The following MACROD2 variants were observed in gnomAD, a reference collection of about 807,000 sequenced individuals.
MACROD2 encodes the protein mono-ADP ribosylhydrolase 2.
In MACROD2, 36 loss-of-function variants were observed where a neutral mutation model predicts 70.4. The ratio of observed to expected loss-of-function variants is 0.51; its 90% CI spans 0.39 to 0.68. The LOEUF (loss-of-function observed/expected upper bound fraction) is 0.68, where lower values mean the gene tolerates loss of function less well. MACROD2 is among the 30% of genes least tolerant of loss of function. The pLI is 0.00. For missense variants in MACROD2, 496 were observed against 538.4 expected (o/e 0.92, Z 0.78); for synonymous variants, 172 against 178.8 (o/e 0.96, Z 0.30).
At chr20:15,024,273 G>A (rs577814843) in intron 5 of MACROD2, among the ~76,000 whole-genome samples, 180 of 152,100 alleles carry the variant, frequency 1.2e-3, no homozygotes, top group Non-Finnish European at 2.4e-3. Flanking sequence ...ATTTCTCTTT[G>A]AGGTTACTAT....
At chr20:14,227,111 A>G (rs969182639) in intron 3 of MACROD2, among the ~76,000 whole-genome samples, 1 of 152,136 alleles carries the variant, frequency 6.6e-6, no homozygotes, top group East Asian at 1.9e-4. Flanking sequence ...GAATGCACCA[A>G]TCTATACTCT....
intron 8 of MACROD2, among the ~76,000 whole-genome samples, chr20:15,726,280 C>T (rs892607883): frequency 6.6e-6 from 1 of 152,138 alleles, no homozygotes; most frequent in Non-Finnish European, 1.5e-5. Context: ...TCTATGGCTG[C>T]ATAGTATTCC....
At chr20:15,661,391 A>T (rs1262564241) in intron 8 of MACROD2, among the ~76,000 whole-genome samples, 1 of 152,096 alleles carries the variant, frequency 6.6e-6, no homozygotes, top group Admixed American at 6.6e-5. Context: ...GTTACAGGGG[A>T]AGCAGGCATA....
chr20:15,112,921 CT>C (rs964597078), intron 5 of MACROD2, among the ~76,000 whole-genome samples: 1 of 143,250 alleles, frequency 7.0e-6, no homozygotes, highest in African/African-American at 2.5e-5. Context: ...TCAGAATTTC[CT>C]TTTTTTTCCA....
intron 5 of MACROD2, among the ~76,000 whole-genome samples, chr20:14,928,250 A>G (rs2074257052): frequency 6.9e-6 from 1 of 144,046 alleles, no homozygotes; most frequent in Non-Finnish European, 1.5e-5. Flanking sequence ...GAATTATTCT[A>G]TCCTCACGGG....
Position 14,704,346 on chromosome 20 carries a change from G to A in MACROD2, c.418+19387G>A, listed in dbSNP as rs199572689. 7.2e-5 allele frequency among the ~76,000 whole-genome samples: 11 copies of A among 152,062 alleles called. No individual in the cohort carries two copies. The East Asian group carries it at 1.7e-3, about 24-fold the overall frequency. ...TGATTTATTGCGCCCTTTTCCTACCGTGTAAATAGCCCAGCTCACTGCTTC... is the reference window on the plus strand; with the variant it reads ...TGATTTATTGCGCCCTTTTCCTACCATGTAAATAGCCCAGCTCACTGCTTC... On this transcript the variant is annotated intron_variant, in intron 5 of 17. Transcript: ENST00000684519.
At chr20:14,648,969 T>G (rs1446511234) in intron 4 of MACROD2, among the ~76,000 whole-genome samples, 1 of 152,166 alleles carries the variant, frequency 6.6e-6, no homozygotes, top group Admixed American at 6.6e-5. Flanking sequence ...AAGTGCTACG[T>G]GCAATAGGCC....
intron 3 of MACROD2, chr20:14,327,428 T>G: frequency 6.2e-7 from 1 of 1,613,588 alleles, no homozygotes; most frequent in Non-Finnish European, 8.5e-7. Context: ...GATTTAGCCA[T>G]AACTGATAGA....
intron 8 of MACROD2, among the ~76,000 whole-genome samples, chr20:15,746,546 G>T (rs1245946010): frequency 1.5e-5 from 2 of 136,590 alleles, no homozygotes; most frequent in Admixed American, 1.6e-4. Context: ...GTTTGGCATG[G>T]TTGTTTGGTT....
chr20:14,879,913 A>C (rs2073592204), intron 5 of MACROD2, among the ~76,000 whole-genome samples: 1 of 152,196 alleles, frequency 6.6e-6, no homozygotes, highest in Non-Finnish European at 1.5e-5. Flanking sequence ...TCAAAGCTAC[A>C]AAGTCTATGT....
chr20:15,805,470 G>C (rs925578179), intron 8 of MACROD2, among the ~76,000 whole-genome samples: 1 of 149,876 alleles, frequency 6.7e-6, no homozygotes, highest in African/African-American at 2.5e-5. Context: ...ATGAAAATAA[G>C]GAATATTTCT....
chr20:14,992,013 G>A (rs930016364), intron 5 of MACROD2, among the ~76,000 whole-genome samples: 1 of 152,108 alleles, frequency 6.6e-6, no homozygotes, highest in African/African-American at 2.4e-5. Context: ...GTGGGTGGTG[G>A]GAGGAGAGGA....
chr20:15,787,096 C>T (rs1044903083), intron 8 of MACROD2, among the ~76,000 whole-genome samples: 2 of 152,062 alleles, frequency 1.3e-5, no homozygotes, highest in East Asian at 1.9e-4. Context: ...CTCAGCCTCT[C>T]GAGTAGTTGT....
intron 6 of MACROD2, among the ~76,000 whole-genome samples, chr20:15,384,211 T>C (rs967004849): frequency 6.6e-6 from 1 of 152,096 alleles, no homozygotes; most frequent in African/African-American, 2.4e-5. Context: ...GTGATTTGTA[T>C]TTTTTTTCTG....
At chr20:15,788,648 A>G (rs898119451) in intron 8 of MACROD2, among the ~76,000 whole-genome samples, 7 of 152,214 alleles carry the variant, frequency 4.6e-5, no homozygotes, top group African/African-American at 1.7e-4. Context: ...TAGTGAAGGA[A>G]AAGATATGCA....
At chr20:14,131,023 C>T (rs1213127276) in intron 3 of MACROD2, among the ~76,000 whole-genome samples, 10 of 149,256 alleles carry the variant, frequency 6.7e-5, no homozygotes, top group Non-Finnish European at 1.3e-4. Flanking sequence ...CTTTTGGGTT[C>T]CAGTGCTCTT....
intron 4 of MACROD2, among the ~76,000 whole-genome samples, chr20:14,579,832 T>G (rs892299793): frequency 1.3e-5 from 2 of 152,196 alleles, no homozygotes; most frequent in Non-Finnish European, 2.9e-5. Context: ...GTAGTTGTAT[T>G]GTTGATTTAA....
chr20:16,039,969 A>C (rs1255000512), intron 15 of MACROD2, among the ~76,000 whole-genome samples: 1 of 151,802 alleles, frequency 6.6e-6, no homozygotes, highest in Admixed American at 6.6e-5. Flanking sequence ...GTGTCCCCCA[A>C]ATACCCACAT....
chr20:14,050,273 T>G (rs1474642990), intron 2 of MACROD2, among the ~76,000 whole-genome samples: 1 of 152,068 alleles, frequency 6.6e-6, no homozygotes. Context: ...CTGAGAACTC[T>G]ATCAAGAACT....
Sources: gnomAD v4.1 joint callset for allele counts (sites outside exome capture counted in the v4.1 genomes callset) on GRCh38, gnomAD v4.1.1 for gene constraint, MANE v1.5 for transcripts, NCBI Gene and HGNC (gene_info 2026-07-23, HGNC 2026-07-21) for gene names.